Variants in SEM1 observed in about 807,000 individuals in gnomAD.
SEM1 encodes the protein 26S proteasome complex subunit SEM1.
A neutral mutation model predicts 12.7 loss-of-function variants in SEM1; 3 were observed. That is an observed-to-expected ratio of 0.24 (90% CI 0.11 to 0.61). SEM1 has a LOEUF of 0.61. SEM1 is among the 20% of genes least tolerant of loss of function. The pLI is 0.88. For missense variants in SEM1, 59 were observed against 81.3 expected, an observed-to-expected ratio of 0.73 and a Z score of 1.06; for synonymous variants, 30 against 27.8, an observed-to-expected ratio of 1.08 and a Z score of -0.25.
At chr7:96,514,315 C>A (rs1265661363) in intron 2 of SEM1, among the ~76,000 whole-genome samples, 1 of 152,052 alleles carries the variant, frequency 6.6e-6, no homozygotes, top group Non-Finnish European at 1.5e-5. Context: ...CTGGGTTAAG[C>A]AATCCTCCCA....
intron 2 of SEM1, among the ~76,000 whole-genome samples, chr7:96,517,150 A>G (rs955349403): frequency 3.3e-5 from 5 of 152,168 alleles, no homozygotes; most frequent in African/African-American, 1.2e-4. Flanking sequence ...AATGGTGGAT[A>G]CATATCATAA....
intron 2 of SEM1, among the ~76,000 whole-genome samples, chr7:96,507,650 G>T (rs1181664111): frequency 1.3e-5 from 2 of 152,116 alleles, no homozygotes; most frequent in Non-Finnish European, 2.9e-5. Context: ...ACTTTTAATT[G>T]TGGATTTACC....
chr7:96,690,576 C>A (rs1584865908), intron 2 of SEM1, among the ~76,000 whole-genome samples: 1 of 152,164 alleles, frequency 6.6e-6, no homozygotes, highest in East Asian at 1.9e-4. Flanking sequence ...AACCTCAGCA[C>A]AACTGTTAAT....
intron 2 of SEM1, among the ~76,000 whole-genome samples, chr7:96,612,613 T>G (rs1199121885): frequency 6.6e-6 from 1 of 152,130 alleles, no homozygotes; most frequent in African/African-American, 2.4e-5. Flanking sequence ...ATAGTTGTTT[T>G]TGTTGTTGTT....
At chr7:96,572,838 GTTAA>G (rs1003527828) in intron 2 of SEM1, among the ~76,000 whole-genome samples, 4 of 152,090 alleles carry the variant, frequency 2.6e-5, no homozygotes, top group Non-Finnish European at 4.4e-5. Flanking sequence ...GAATATCCTT[GTTAA>G]TTTTCTGTCT....
intron 2 of SEM1, among the ~76,000 whole-genome samples, chr7:96,601,380 G>C (rs74712217): frequency 0.013 from 1,947 of 152,282 alleles, 19 homozygotes; most frequent in Non-Finnish European, 0.018. Flanking sequence ...GGAGGATGGG[G>C]TGGGCTATGG....
intron 2 of SEM1, among the ~76,000 whole-genome samples, chr7:96,632,937 C>G (rs1412636182): frequency 6.6e-6 from 1 of 151,730 alleles, no homozygotes; most frequent in Non-Finnish European, 1.5e-5. Flanking sequence ...TTCTAATTGC[C>G]CCTTAATTTC....
rs371942566 is a variant in SEM1 at position 96,700,672 on chromosome 7, T to C, written c.77-5781A>G. Among the ~76,000 whole-genome samples the C allele has an allele frequency of 1.6e-3, 238 of 152,366 alleles. 1 individual carries two copies. The highest frequency in any genetic ancestry group is 5.6e-3 in the African/African-American group (232 of 41,590). On this transcript the variant is annotated intron_variant, in intron 1 of 2. Transcript: ENST00000248566. ...CATCACATCTTTCAATGAGTAATGT[T>C]TAACAAACAAGTAGTAACATTAAAC...
chr7:96,557,506 G>T lies in SEM1; in HGVS notation c.171-50808C>A, dbSNP rs1172082635. ...GTGCCTCCCAGTTAGGCTGCTCGGG[G>T]GTCAGGGGTCAGGGACCCACTTGAG... On this transcript the variant is annotated intron_variant and NMD_transcript_variant, in intron 2 of 3. Transcript: ENST00000466986. Among the ~76,000 whole-genome samples, 4 of 92,264 alleles carry T rather than the reference G, an allele frequency of 4.3e-5. 1 individual carries two copies. The highest frequency in any genetic ancestry group is 8.8e-5 in the Non-Finnish European group (3 of 33,924). The allele number at this position is 92,264 out of a possible 152,430, so 60.5% of individuals were successfully genotyped here. A position where few individuals can be genotyped will look rare whatever the true frequency, so the allele number is the denominator to read the frequency against.
intron 2 of SEM1, among the ~76,000 whole-genome samples, chr7:96,530,169 A>T (rs1239908236): frequency 6.6e-6 from 1 of 152,100 alleles, no homozygotes. Context: ...GAAAGGCAAG[A>T]TTGCTAGGAA....
At chr7:96,572,254 T>C (rs561803460) in intron 2 of SEM1, among the ~76,000 whole-genome samples, 1 of 152,336 alleles carries the variant, frequency 6.6e-6, no homozygotes, top group African/African-American at 2.4e-5. Flanking sequence ...ATTGATTTTT[T>C]GAAGGGCTTT....
intron 2 of SEM1, among the ~76,000 whole-genome samples, chr7:96,528,569 C>A (rs139777283): frequency 5.3e-5 from 8 of 152,270 alleles, no homozygotes; most frequent in African/African-American, 1.7e-4. Context: ...GACAGGCATG[C>A]CATCTTGATT....
rs1563047321 is a variant in SEM1, at chr7:96,527,877, T to TTG, written c.171-21180_171-21179insCA. 9.0e-4 allele frequency among the ~76,000 whole-genome samples: 137 copies of TTG among 152,030 alleles called. No individual in the cohort carries two copies. In the Middle Eastern group the frequency reaches 0.02, roughly 23 times the overall value. On this transcript the variant is annotated intron_variant and NMD_transcript_variant, in intron 2 of 3. Transcript: ENST00000466986. ...CCAGATGGCATGTTCTGAGTTCTTT[T>TTG]TTGTTGTTGTTGTTACTCTTTGGAA...
chr7:96,616,543 T>G (rs1053633129), intron 2 of SEM1, among the ~76,000 whole-genome samples: 5 of 152,194 alleles, frequency 3.3e-5, no homozygotes, highest in Admixed American at 2.6e-4. Flanking sequence ...GAAGAAGCTT[T>G]TTAGTTTAGT....
intron 2 of SEM1, among the ~76,000 whole-genome samples, chr7:96,544,838 C>T (rs866387907): frequency 1.3e-5 from 2 of 151,820 alleles, no homozygotes; most frequent in South Asian, 4.2e-4. Context: ...GGGAGTGAAT[C>T]ATCACAGAGG....
intron 2 of SEM1, among the ~76,000 whole-genome samples, chr7:96,519,519 T>A (rs1392867412): frequency 1.3e-5 from 2 of 151,930 alleles, no homozygotes; most frequent in Non-Finnish European, 2.9e-5. Context: ...GGGTTGAGAT[T>A]TTTTAAATAG....
At chr7:96,492,070 A>G (rs1803031745) in intron 1 of SEM1, among the ~76,000 whole-genome samples, 1 of 152,134 alleles carries the variant, frequency 6.6e-6, no homozygotes, top group African/African-American at 2.4e-5. Flanking sequence ...TTCTATTTGG[A>G]AGTATACATA....
chr7:96,491,117 AAG>A (rs1372151213), intron 1 of SEM1, among the ~76,000 whole-genome samples: 3 of 152,050 alleles, frequency 2.0e-5, no homozygotes, highest in African/African-American at 7.2e-5. Flanking sequence ...TTTTCTTTGA[AAG>A]AGAGAGGTTT....
intron 2 of SEM1, among the ~76,000 whole-genome samples, chr7:96,568,458 T>C (rs10156156): frequency 0.96 from 145,543 of 151,844 alleles, 69,960 homozygotes; most frequent in Non-Finnish European, 0.99. Context: ...TGTAGCTATT[T>C]AGGAATTTCA....
Sources: allele counts gnomAD v4.1 joint callset (sites outside exome capture counted in the v4.1 genomes callset), GRCh38; gene constraint gnomAD v4.1.1; transcripts MANE v1.5; gene names NCBI Gene and HGNC (gene_info 2026-07-23, HGNC 2026-07-21).